Variants in SCN10A observed in about 807,000 individuals in gnomAD.
The protein encoded by SCN10A is sodium channel protein type 10 subunit alpha.
A neutral mutation model predicts 170.7 loss-of-function variants in SCN10A; 162 were observed. The observed-to-expected ratio is 0.95, with a 90% CI of 0.84 to 1.08. The LOEUF is 1.08. Among genes scored for constraint, SCN10A ranks in the 50% least tolerant of loss-of-function variants. The pLI, the probability that SCN10A is intolerant of heterozygous loss-of-function variation, is 0.00. For missense variants in SCN10A, 2,527 were observed against 2,436.9 expected (o/e 1.04, Z -0.78); for synonymous variants, 985 against 904.6 (o/e 1.09, Z -1.59).
intron 16 of SCN10A, 141 bp from the exon 17 acceptor site, chr3:38,727,193 G>A (rs936276315): frequency 1.1e-5 from 8 of 734,558 alleles, no homozygotes; most frequent in African/African-American, 1.8e-5. Context: ...CCTTTTGGGG[G>A]AATGGACTTT....
At chr3:38,803,032 A>G (rs190574385) in intron 1 of SCN10A, among the ~76,000 whole-genome samples, 1 of 152,366 alleles carries the variant, frequency 6.6e-6, no homozygotes. Flanking sequence ...TTATGCAGCA[A>G]ACAGGCACAT....
intron 4 of SCN10A, among the ~76,000 whole-genome samples, chr3:38,787,129 C>G (rs2064214822): frequency 6.6e-6 from 1 of 152,054 alleles, no homozygotes; most frequent in African/African-American, 2.4e-5. Context: ...TTTTGGGAGT[C>G]TTTACAATAT....
chr3:38,742,054 C>T (rs537412583), intron 14 of SCN10A, among the ~76,000 whole-genome samples: 2 of 152,348 alleles, frequency 1.3e-5, no homozygotes, highest in East Asian at 3.9e-4. Context: ...TCCTGGTTCA[C>T]TTTCCTGTGC....
chr3:38,722,366 A>G lies in SCN10A; in HGVS notation c.3399T>C (p.Ser1133=), dbSNP rs1378610444. The change falls in exon 20 of 28, where the codon AGT becomes AGC. Residue 1133 remains serine (S), a synonymous_variant. Coordinates refer to ENST00000449082, the MANE Select transcript of SCN10A (RefSeq NM_006514.4). ...CPCCKLDTTK[S]PWDVGWQVRK... ...GCACCTGCCAGCCCACATCCCATGG[A>G]CTCTTGGTGGTATCCAGTTTGCAGC... 1.2e-6 allele frequency: 2 copies of G among 1,613,238 alleles called. No individual in the cohort carries two copies. Among genetic ancestry groups the G allele is most frequent in the Non-Finnish European group, 1.7e-6 (2 of 1,179,788 alleles).
In SCN10A at chr3:38,798,964, T is replaced by G. The variant is rs778766373; in HGVS notation, c.-32-4922A>C. On this transcript the variant is annotated intron_variant, in intron 1 of 27. Transcript: ENST00000449082. ...CCACCACGCCTGGCTAATCTTCATA[T>G]TTTTGATGGGGTTTTTCCATGTTCC... Among the ~76,000 whole-genome samples, 5 of 151,844 alleles carry G rather than the reference T, an allele frequency of 3.3e-5. 1 individual carries two copies. Among genetic ancestry groups the G allele is most frequent in the Non-Finnish European group, 7.4e-5 (5 of 67,948 alleles).
chr3:38,712,737 T>C (rs2063289165), intron 22 of SCN10A, among the ~76,000 whole-genome samples: 1 of 152,222 alleles, frequency 6.6e-6, no homozygotes, highest in African/African-American at 2.4e-5. Context: ...GTGTGTGTAT[T>C]ATACTTGCAC....
At chr3:38,730,152 T>A (rs185184782) in intron 15 of SCN10A, among the ~76,000 whole-genome samples, 2 of 152,268 alleles carry the variant, frequency 1.3e-5, no homozygotes, top group East Asian at 3.9e-4. Flanking sequence ...GCTTTAAGAC[T>A]AGATCCCAAA....
In SCN10A at chr3:38,712,236, A is replaced by G. The variant is rs2125989793; in HGVS notation, c.4014T>C (p.Thr1338=). Residue 1338 remains threonine, a synonymous_variant, in exon 23 of 28, where the codon ACT becomes ACC. Coordinates refer to ENST00000449082, the MANE Select transcript of SCN10A (RefSeq NM_006514.4). ...NKSDCKIQNS[T]GSFFWVNVKV... ...TCACATTGACCCAGAAGAAGCTGCC[A>G]GTGGAGTTTTGAATCTTGCAGTCAG... The G allele has an allele frequency of 2.5e-6, 4 of 1,614,238 alleles. No homozygotes were observed. In the South Asian group the frequency reaches 4.4e-5, roughly 18 times the overall value.
intron 6 of SCN10A, among the ~76,000 whole-genome samples, chr3:38,761,991 C>A (rs2063880029): frequency 6.6e-6 from 1 of 152,118 alleles, no homozygotes; most frequent in African/African-American, 2.4e-5. Context: ...ATAAGAAACA[C>A]TGAGACAGTC....
intron 18 of SCN10A, among the ~76,000 whole-genome samples, chr3:38,724,539 C>T (rs535484821): frequency 6.6e-6 from 1 of 152,338 alleles, no homozygotes; most frequent in South Asian, 2.1e-4. Flanking sequence ...CTCTGTGAGG[C>T]TGTCACTTCA....
At chr3:38,698,677 T>G in intron 27 of SCN10A, 115 bp from the exon 28 acceptor site, 1 of 961,814 alleles carries the variant, frequency 1.0e-6, no homozygotes, top group Non-Finnish European at 1.6e-6. Context: ...GGCATCCACA[T>G]TTGAGGACTC....
At chr3:38,794,272 C>T (rs1195523562) in intron 1 of SCN10A, among the ~76,000 whole-genome samples, 4 of 152,108 alleles carry the variant, frequency 2.6e-5, no homozygotes, top group African/African-American at 9.7e-5. Context: ...CTTTGCTCCC[C>T]ATGTGCTTCT....
intron 4 of SCN10A, among the ~76,000 whole-genome samples, chr3:38,781,605 C>A (rs1424467672): frequency 1.3e-5 from 2 of 152,108 alleles, no homozygotes. Flanking sequence ...CTTCCATAAC[C>A]AGCGGGATGC....
chr3:38,760,235 C>G (rs1241254685), intron 8 of SCN10A, among the ~76,000 whole-genome samples: 2 of 152,182 alleles, frequency 1.3e-5, no homozygotes, highest in African/African-American at 4.8e-5. Context: ...CCTGAAGAAG[C>G]CTTGCAAACT....
At chr3:38,774,932 C>T (rs1431980599) in intron 4 of SCN10A, among the ~76,000 whole-genome samples, 1 of 152,156 alleles carries the variant, frequency 6.6e-6, no homozygotes, top group Non-Finnish European at 1.5e-5. Context: ...CCCCCAGCTG[C>T]GTTCCGTGAA....
At chr3:38,702,278 C>T (rs569465856) in intron 26 of SCN10A, among the ~76,000 whole-genome samples, 169 bp from the exon 27 acceptor site, 1 of 152,360 alleles carries the variant, frequency 6.6e-6, no homozygotes, top group African/African-American at 2.4e-5. Flanking sequence ...TACCTCATTG[C>T]CCCAGTTCAA....
At chr3:38,782,805 G>A (rs2064154532) in intron 4 of SCN10A, among the ~76,000 whole-genome samples, 1 of 151,970 alleles carries the variant, frequency 6.6e-6, no homozygotes, top group African/African-American at 2.4e-5. Flanking sequence ...TTTTTATTAT[G>A]ATATGTAACA....
chr3:38,727,119 G>A (rs1276172962), intron 16 of SCN10A, 67 bp from the exon 17 acceptor site: 3 of 1,467,968 alleles, frequency 2.0e-6, no homozygotes, highest in African/African-American at 1.4e-5. Flanking sequence ...GGCCTACCGG[G>A]TTAGCAGCTG....
At chr3:38,771,128 G>T in intron 5 of SCN10A, 151 bp downstream of exon 5, 1 of 749,918 alleles carries the variant, frequency 1.3e-6, no homozygotes. Context: ...AGTTCTCCTG[G>T]TATATTCCTG....
Sources: allele counts gnomAD v4.1 joint callset (sites outside exome capture counted in the v4.1 genomes callset), GRCh38; gene constraint gnomAD v4.1.1; transcripts MANE v1.5; gene names NCBI Gene and HGNC (gene_info 2026-07-23, HGNC 2026-07-21).